ESRRG: variants seen among roughly 807,000 people sequenced by gnomAD.
ESRRG encodes the protein estrogen related receptor gamma, also known as estrogen-related receptor gamma.
Under a neutral mutation model 44.0 loss-of-function variants are expected in ESRRG, and 13 were observed. That is an observed-to-expected ratio of 0.30 (90% CI 0.19 to 0.47). ESRRG has a LOEUF of 0.47. Ranked by LOEUF, ESRRG falls within the 20% of genes least tolerant of loss-of-function variation. The probability of loss-of-function intolerance (pLI) is 1.00; values close to 1 mark genes in which losing one functional copy is unlikely to be tolerated. For missense variants in ESRRG, 395 were observed against 580.6 expected, an observed-to-expected ratio of 0.68 and a Z score of 3.29; for synonymous variants, 215 against 214.6, an observed-to-expected ratio of 1.00 and a Z score of -0.02.
intron 2 of ESRRG, among the ~76,000 whole-genome samples, chr1:216,807,253 G>A (rs868367232): frequency 1.4e-4 from 21 of 152,090 alleles, no homozygotes; most frequent in Non-Finnish European, 2.1e-4. Flanking sequence ...GGTTGGGAGA[G>A]GTTCTCTTGG....
intron 1 of ESRRG, among the ~76,000 whole-genome samples, chr1:217,102,204 TG>T (rs2092526475): frequency 6.6e-6 from 1 of 152,362 alleles, no homozygotes; most frequent in African/African-American, 2.4e-5. Context: ...CAATAGGTGT[TG>T]TTACATCCAT....
At chr1:216,997,779 C>CATACA (rs1244895301) in intron 1 of ESRRG, among the ~76,000 whole-genome samples, 2 of 152,084 alleles carry the variant, frequency 1.3e-5, no homozygotes, top group Non-Finnish European at 2.9e-5. Flanking sequence ...TCTCTTCCAC[C>CATACA]ATACAATGCT....
intron 1 of ESRRG, among the ~76,000 whole-genome samples, chr1:217,037,649 C>T (rs1393344656): frequency 1.3e-5 from 2 of 152,090 alleles, no homozygotes; most frequent in Non-Finnish European, 2.9e-5. Flanking sequence ...CATTTCAAAA[C>T]CAATCACGCC....
intron 1 of ESRRG, among the ~76,000 whole-genome samples, chr1:216,693,073 T>C (rs2079382278): frequency 6.6e-6 from 1 of 152,266 alleles, no homozygotes; most frequent in African/African-American, 2.4e-5. Context: ...CTTTTCCTTC[T>C]CTCTGGAATT....
At chr1:216,660,190 C>G (rs1022064854) in intron 2 of ESRRG, among the ~76,000 whole-genome samples, 7 of 152,148 alleles carry the variant, frequency 4.6e-5, no homozygotes, top group Non-Finnish European at 2.9e-5. Context: ...TCTATTATCA[C>G]TAGAACCTAT....
At chr1:217,107,422 T>C (rs1300839214) in intron 1 of ESRRG, among the ~76,000 whole-genome samples, 1 of 152,248 alleles carries the variant, frequency 6.6e-6, no homozygotes, top group Admixed American at 6.5e-5. Context: ...GCTTCCCTGA[T>C]AGAGTCCTGT....
At chr1:216,834,123 G>A (rs924817407) in intron 2 of ESRRG, among the ~76,000 whole-genome samples, 3 of 152,138 alleles carry the variant, frequency 2.0e-5, no homozygotes, top group Non-Finnish European at 4.4e-5. Flanking sequence ...ACTTAGGGAC[G>A]GGTGCTGTGG....
At chr1:216,948,082 T>C (rs1253887001) in intron 1 of ESRRG, among the ~76,000 whole-genome samples, 1 of 152,138 alleles carries the variant, frequency 6.6e-6, no homozygotes, top group Non-Finnish European at 1.5e-5. Context: ...TTAGAAACTT[T>C]ATGTGAAGGA....
intron 1 of ESRRG, among the ~76,000 whole-genome samples, chr1:217,066,777 C>T (rs958010453): frequency 6.6e-6 from 1 of 152,098 alleles, no homozygotes; most frequent in African/African-American, 2.4e-5. Flanking sequence ...CCAGTGGCAC[C>T]CTCTTCCAGT....
chr1:217,064,258 ATATG>A (rs940625365), intron 1 of ESRRG, among the ~76,000 whole-genome samples: 5 of 152,098 alleles, frequency 3.3e-5, no homozygotes, highest in African/African-American at 1.2e-4. Context: ...ATATATACAT[ATATG>A]TATGTATATA....
intron 2 of ESRRG, among the ~76,000 whole-genome samples, chr1:216,830,482 C>T (rs1028779968): frequency 1.3e-5 from 2 of 152,118 alleles, no homozygotes; most frequent in African/African-American, 2.4e-5. Flanking sequence ...ACAGCCCTCT[C>T]GCTTTGAGAG....
chr1:216,600,660 G>A (rs1225363286), intron 3 of ESRRG, among the ~76,000 whole-genome samples: 1 of 151,878 alleles, frequency 6.6e-6, no homozygotes, highest in Non-Finnish European at 1.5e-5. Context: ...TAAAAATAAA[G>A]TCTTAAAAAA....
At chr1:216,662,626 T>TG (rs367919143) in intron 2 of ESRRG, among the ~76,000 whole-genome samples, 9 of 150,992 alleles carry the variant, frequency 6.0e-5, no homozygotes, top group Non-Finnish European at 7.4e-5. Context: ...GCAGGGAGAG[T>TG]GGGGGGGTTC....
At chr1:216,522,790 GT>G (rs1177398162) in intron 5 of ESRRG, among the ~76,000 whole-genome samples, 1 of 152,118 alleles carries the variant, frequency 6.6e-6, no homozygotes, top group African/African-American at 2.4e-5. Context: ...GAAAATGCAT[GT>G]TTTAATAAGC....
chr1:216,638,764 G>A (rs1385288575), intron 3 of ESRRG, among the ~76,000 whole-genome samples: 1 of 152,184 alleles, frequency 6.6e-6, no homozygotes, highest in Non-Finnish European at 1.5e-5. Flanking sequence ...CTTGTTGAAT[G>A]GATGAGTCAA....
At chr1:216,876,873 C>T (rs1441789040) in intron 2 of ESRRG, among the ~76,000 whole-genome samples, 1 of 152,032 alleles carries the variant, frequency 6.6e-6, no homozygotes. Flanking sequence ...ATAGAATCTT[C>T]TTGAACAAAA....
At chr1:216,986,421 G>C (rs947380315) in intron 1 of ESRRG, among the ~76,000 whole-genome samples, 6 of 152,044 alleles carry the variant, frequency 3.9e-5, no homozygotes, top group African/African-American at 7.2e-5. Flanking sequence ...TCATAGATGA[G>C]AGAAGGTTTG....
intron 3 of ESRRG, among the ~76,000 whole-genome samples, chr1:216,590,699 T>C (rs1178237350): frequency 6.6e-6 from 1 of 152,168 alleles, no homozygotes; most frequent in Non-Finnish European, 1.5e-5. Context: ...TTCAAGTCTT[T>C]AGACAGTATT....
chr1:216,535,329 C>T (rs770169069), intron 5 of ESRRG, among the ~76,000 whole-genome samples: 1 of 152,030 alleles, frequency 6.6e-6, no homozygotes, highest in African/African-American at 2.4e-5. Context: ...CAGACTAAAC[C>T]TTCCACTGAA....
Sources: gnomAD v4.1 joint callset for allele counts (sites outside exome capture counted in the v4.1 genomes callset) on GRCh38, gnomAD v4.1.1 for gene constraint, MANE v1.5 for transcripts, NCBI Gene and HGNC (gene_info 2026-07-23, HGNC 2026-07-21) for gene names.